The following NCOA7 variants were observed in gnomAD, a reference collection of about 807,000 sequenced individuals.
The protein encoded by NCOA7 is nuclear receptor coactivator 7.
In NCOA7, 45 loss-of-function variants were observed where a neutral mutation model predicts 104.3. That is an observed-to-expected ratio of 0.43 (90% CI 0.34 to 0.55). The LOEUF (loss-of-function observed/expected upper bound fraction) is 0.55, where lower values mean the gene tolerates loss of function less well. Among genes scored for constraint, NCOA7 ranks in the 20% least tolerant of loss-of-function variants. The probability of loss-of-function intolerance (pLI) is 0.02; values close to 1 mark genes in which losing one functional copy is unlikely to be tolerated. For missense variants in NCOA7, 1,041 were observed against 1,119.7 expected (o/e 0.93, Z 1.00); for synonymous variants, 398 against 402.3 (o/e 0.99, Z 0.13).
intron 2 of NCOA7, among the ~76,000 whole-genome samples, chr6:125,830,733 A>ATGTGTG (rs1491378471): frequency 1.7e-3 from 192 of 111,778 alleles, no homozygotes; most frequent in East Asian, 7.8e-3. Flanking sequence ...ATATATATAT[A>ATGTGTG]TATATGTGTG....
intron 12 of NCOA7, among the ~76,000 whole-genome samples, chr6:125,922,139 A>T (rs1227303729): frequency 6.6e-6 from 1 of 152,234 alleles, no homozygotes; most frequent in East Asian, 1.9e-4. Flanking sequence ...ATTCTTGAAG[A>T]GATATACATT....
intron 2 of NCOA7, among the ~76,000 whole-genome samples, chr6:125,842,447 G>A (rs2128605817): frequency 6.6e-6 from 1 of 152,206 alleles, no homozygotes; most frequent in Non-Finnish European, 1.5e-5. Flanking sequence ...TATGTGTCAC[G>A]AAAATATATG....
chr6:125,894,195 TA>T (rs1225453849), intron 10 of NCOA7, among the ~76,000 whole-genome samples: 3 of 152,312 alleles, frequency 2.0e-5, no homozygotes, highest in Middle Eastern at 6.8e-3. Context: ...ATTGTATGTT[TA>T]GCAACCTCCA....
At chr6:125,842,086 A>G (rs1780226843) in intron 2 of NCOA7, among the ~76,000 whole-genome samples, 1 of 152,226 alleles carries the variant, frequency 6.6e-6, no homozygotes, top group Non-Finnish European at 1.5e-5. Context: ...AACATATTCT[A>G]ATTTTATGCT....
chr6:125,870,165 G>T (rs1782773338), intron 3 of NCOA7, among the ~76,000 whole-genome samples: 1 of 152,112 alleles, frequency 6.6e-6, no homozygotes, highest in South Asian at 2.1e-4. Flanking sequence ...ACTTCTTAAT[G>T]TTCACATTTT....
At chr6:125,804,229 A>G (rs1328346693) in intron 1 of NCOA7, among the ~76,000 whole-genome samples, 2 of 152,228 alleles carry the variant, frequency 1.3e-5, no homozygotes, top group Non-Finnish European at 2.9e-5. Flanking sequence ...GTCTGTTAGT[A>G]TTAAAATGAA....
intron 3 of NCOA7, among the ~76,000 whole-genome samples, chr6:125,873,372 ATTAT>A (rs1248384370): frequency 6.6e-6 from 1 of 152,078 alleles, no homozygotes; most frequent in Non-Finnish European, 1.5e-5. Context: ...ACCTATGAAA[ATTAT>A]TTATGTGTTT....
At chr6:125,850,351 G>A (rs1781010319) in intron 2 of NCOA7, among the ~76,000 whole-genome samples, 2 of 152,096 alleles carry the variant, frequency 1.3e-5, no homozygotes, top group Non-Finnish European at 2.9e-5. Flanking sequence ...GAATTTCTAA[G>A]GTATTAAATG....
chr6:125,895,424 T>C (rs1361276295), intron 10 of NCOA7, among the ~76,000 whole-genome samples: 1 of 152,214 alleles, frequency 6.6e-6, no homozygotes, highest in African/African-American at 2.4e-5. Context: ...GAGATAACTT[T>C]AGTAACACTT....
At chr6:125,875,622 C>G (rs1783303923) in intron 4 of NCOA7, 1 of 152,158 alleles carries the variant, frequency 6.6e-6, no homozygotes, top group Non-Finnish European at 1.5e-5. Flanking sequence ...TTCGTTACTA[C>G]CTTCTGTGAT....
At chr6:125,804,434 G>A (rs1776221826) in intron 1 of NCOA7, among the ~76,000 whole-genome samples, 1 of 152,130 alleles carries the variant, frequency 6.6e-6, no homozygotes. Flanking sequence ...CTTGTGACAG[G>A]TAATCAAAAG....
At chr6:125,871,716 C>A (rs750433823) in intron 3 of NCOA7, among the ~76,000 whole-genome samples, 3 of 152,230 alleles carry the variant, frequency 2.0e-5, no homozygotes, top group Non-Finnish European at 4.4e-5. Flanking sequence ...CAAGACAAGG[C>A]CAGGTGCAGT....
intron 2 of NCOA7, among the ~76,000 whole-genome samples, chr6:125,816,168 C>T (rs1187276934): frequency 6.6e-6 from 1 of 152,068 alleles, no homozygotes; most frequent in Non-Finnish European, 1.5e-5. Context: ...ATTAGAGATG[C>T]ATTTATTATT....
chr6:125,783,493 CT>C (rs1339849616), intron 1 of NCOA7, among the ~76,000 whole-genome samples: 1 of 152,222 alleles, frequency 6.6e-6, no homozygotes, highest in Middle Eastern at 3.4e-3. Flanking sequence ...TCTTTGTATT[CT>C]TTATTTAATT....
At chr6:125,892,465 G>A (rs1784695008) in intron 10 of NCOA7, among the ~76,000 whole-genome samples, 1 of 152,136 alleles carries the variant, frequency 6.6e-6, no homozygotes, top group Non-Finnish European at 1.5e-5. Context: ...GAGGTCAGGA[G>A]TTTGAGACCA....
At chr6:125,848,801 A>T (rs974378416) in intron 2 of NCOA7, among the ~76,000 whole-genome samples, 1 of 152,200 alleles carries the variant, frequency 6.6e-6, no homozygotes, top group Non-Finnish European at 1.5e-5. Context: ...AGTATAATAA[A>T]AAATAAATAA....
At chr6:125,886,837 T>A (rs1443647062) in intron 8 of NCOA7, among the ~76,000 whole-genome samples, 1 of 152,154 alleles carries the variant, frequency 6.6e-6, no homozygotes. Flanking sequence ...TAAAAGTGGG[T>A]ATGTGTAAAA....
chr6:125,856,980 G>A (rs984991955), intron 3 of NCOA7, among the ~76,000 whole-genome samples: 5 of 152,142 alleles, frequency 3.3e-5, no homozygotes, highest in Non-Finnish European at 5.9e-5. Flanking sequence ...TGTTGCTACC[G>A]TACAGGCAGA....
In NCOA7 at chr6:125,875,013, A is replaced by G. The variant is rs779119063; in HGVS notation, c.351+45A>G. 7.2e-6 allele frequency: 10 copies of G among 1,397,264 alleles called. No homozygotes were observed. In the East Asian group the frequency reaches 9.1e-5, roughly 13 times the overall value. The allele number at this position is 1,397,264 out of a possible 1,614,324, so 86.6% of individuals were successfully genotyped here. A position where few individuals can be genotyped will look rare whatever the true frequency, so the allele number is the denominator to read the frequency against. On this transcript the variant is annotated intron_variant, in intron 4 of 15. Transcript: ENST00000392477. Reference sequence around the variant, plus strand: ...TATAAATGTTTGTTAATAGCACTACATTTATATAATGGTTTTCCCTGACAC... The same window carrying G: ...TATAAATGTTTGTTAATAGCACTACGTTTATATAATGGTTTTCCCTGACAC...
Sources: allele counts gnomAD v4.1 joint callset (sites outside exome capture counted in the v4.1 genomes callset), GRCh38; gene constraint gnomAD v4.1.1; transcripts MANE v1.5; gene names NCBI Gene and HGNC (gene_info 2026-07-23, HGNC 2026-07-21).